The following GFRA1 variants were observed in gnomAD, a reference collection of about 807,000 sequenced individuals.
GFRA1 encodes the protein GDNF family receptor alpha-1.
GFRA1 carries 16 observed loss-of-function variants against 51.6 expected under a neutral mutation model. The observed-to-expected ratio is 0.31, with a 90% CI of 0.21 to 0.47. GFRA1 has a LOEUF of 0.47. Ranked by LOEUF, GFRA1 falls within the 20% of genes least tolerant of loss-of-function variation. The pLI, the probability that GFRA1 is intolerant of heterozygous loss-of-function variation, is 1.00. For missense variants in GFRA1, 530 were observed against 594.3 expected (o/e 0.89, Z 1.13); for synonymous variants, 270 against 241.3 (o/e 1.12, Z -1.10).
chr10:116,095,488 A>G (rs182080297), intron 7 of GFRA1, among the ~76,000 whole-genome samples: 11 of 152,282 alleles, frequency 7.2e-5, no homozygotes, highest in African/African-American at 2.6e-4. Context: ...CGGGAAAAGG[A>G]GAGAGTGAAT....
At chr10:116,132,796 A>C (rs1958157960) in intron 5 of GFRA1, among the ~76,000 whole-genome samples, 1 of 152,212 alleles carries the variant, frequency 6.6e-6, no homozygotes, top group African/African-American at 2.4e-5. Flanking sequence ...TTGAGGGCAC[A>C]GGGAGGAGAG....
At position 116,234,909 on chromosome 10, in the gene GFRA1, T is replaced by C. The variant is rs377477133; in HGVS notation, c.419-23264A>G. Among the ~76,000 whole-genome samples the C allele has an allele frequency of 9.2e-5, 14 of 152,310 alleles. No individual in the cohort carries two copies. In the East Asian group the frequency reaches 2.5e-3, roughly 27 times the overall value. On this transcript the variant is annotated intron_variant, in intron 4 of 10. Transcript: ENST00000355422. ...TCTCATGATAGTGAGTGAGTTCTCATAAGATCTGATGGTTTTATAAGAGGC... is the reference window on the plus strand; with the variant it reads ...TCTCATGATAGTGAGTGAGTTCTCACAAGATCTGATGGTTTTATAAGAGGC...
chr10:116,183,317 G>A (rs1962408234), intron 5 of GFRA1, among the ~76,000 whole-genome samples: 1 of 152,162 alleles, frequency 6.6e-6, no homozygotes, highest in Admixed American at 6.5e-5. Context: ...ACCGCAATGG[G>A]TCCAACCCAA....
At chr10:116,109,373 G>A (rs1957113437) in intron 6 of GFRA1, among the ~76,000 whole-genome samples, 1 of 152,190 alleles carries the variant, frequency 6.6e-6, no homozygotes, top group South Asian at 2.1e-4. Flanking sequence ...GTGGATATGT[G>A]ATCTTTACTA....
chr10:116,270,844 C>T lies in GFRA1; in HGVS notation c.312G>A (p.Trp104Ter). The T allele has an allele frequency of 6.2e-7, 1 of 1,613,654 alleles. No individual in the cohort carries two copies. The highest frequency in any genetic ancestry group is 8.5e-7 in the Non-Finnish European group (1 of 1,179,954). The change falls in exon 3 of 11, where the codon TGG (tryptophan) becomes TGA (stop). Residue 104 changes from tryptophan (W) to a stop codon, truncating the protein, a stop_gained. Coordinates refer to ENST00000355422, the MANE Select transcript of GFRA1 (RefSeq NM_005264.8). LOFTEE classifies it high-confidence loss of function. ...KKEKNCLRIY[W>*]SMYQSLQGND... ...TACCCTGCAGGCTCTGGTACATGCT[C>T]CAGTAAATGCGCAGGCAGTTCTTCT... is the stretch of plus-strand genomic sequence containing the variant.
intron 4 of GFRA1, among the ~76,000 whole-genome samples, chr10:116,215,442 TA>T (rs1382527040): frequency 1.3e-5 from 2 of 152,218 alleles, no homozygotes; most frequent in Non-Finnish European, 2.9e-5. Flanking sequence ...AATTTGAGTG[TA>T]ATATTCTCCT....
At chr10:116,108,434 A>G (rs912782141) in intron 6 of GFRA1, among the ~76,000 whole-genome samples, 11 of 152,170 alleles carry the variant, frequency 7.2e-5, no homozygotes, top group Non-Finnish European at 5.9e-5. Flanking sequence ...CGTAACTCCT[A>G]TTAGCAACCC....
intron 5 of GFRA1, among the ~76,000 whole-genome samples, chr10:116,133,271 T>G (rs576640091): frequency 6.6e-6 from 1 of 152,170 alleles, no homozygotes; most frequent in African/African-American, 2.4e-5. Flanking sequence ...CACACAGCCA[T>G]GTTGTCACTT....
intron 4 of GFRA1, among the ~76,000 whole-genome samples, chr10:116,222,365 A>C (rs1965984187): frequency 6.6e-6 from 1 of 151,922 alleles, no homozygotes; most frequent in African/African-American, 2.4e-5. Context: ...CACCTGGCTA[A>C]TTTTTGTATT....
At chr10:116,155,665 C>T (rs1959185815) in intron 5 of GFRA1, among the ~76,000 whole-genome samples, 3 of 152,158 alleles carry the variant, frequency 2.0e-5, no homozygotes, top group Admixed American at 2.0e-4. Flanking sequence ...AGCTTGGAAA[C>T]CAATGCTGAG....
chr10:116,267,414 C>T (rs987715910), intron 4 of GFRA1, among the ~76,000 whole-genome samples: 3 of 151,682 alleles, frequency 2.0e-5, no homozygotes, highest in East Asian at 1.9e-4. Context: ...AGCATTGCGC[C>T]GAGATCATGC....
intron 5 of GFRA1, among the ~76,000 whole-genome samples, chr10:116,198,582 C>T (rs1407758029): frequency 6.6e-6 from 1 of 152,162 alleles, no homozygotes; most frequent in East Asian, 1.9e-4. Flanking sequence ...GAGACACAGC[C>T]CTTTCCTGCA....
intron 4 of GFRA1, 106 bp from the exon 5 acceptor site, chr10:116,211,751 CTT>C: frequency 4.4e-6 from 4 of 901,770 alleles, no homozygotes; most frequent in Non-Finnish European, 7.0e-6. Context: ...CATATGCTGA[CTT>C]TGCTAAGCAC....
chr10:116,240,292 G>C (rs917699303), intron 4 of GFRA1, among the ~76,000 whole-genome samples: 5 of 152,082 alleles, frequency 3.3e-5, no homozygotes, highest in African/African-American at 4.8e-5. Flanking sequence ...TGGAAGAGAA[G>C]ACCTCTCAAC....
At chr10:116,203,622 G>C (rs1330911969) in intron 5 of GFRA1, among the ~76,000 whole-genome samples, 2 of 152,186 alleles carry the variant, frequency 1.3e-5, no homozygotes, top group Non-Finnish European at 2.9e-5. Flanking sequence ...AACCATTCAT[G>C]AACACGACCA....
At chr10:116,213,808 C>T (rs1589878523) in intron 4 of GFRA1, among the ~76,000 whole-genome samples, 1 of 152,122 alleles carries the variant, frequency 6.6e-6, no homozygotes, top group East Asian at 1.9e-4. Flanking sequence ...TTCATACTCC[C>T]AAGGGCACAC....
At chr10:116,216,317 G>A (rs942881670) in intron 4 of GFRA1, among the ~76,000 whole-genome samples, 5 of 152,132 alleles carry the variant, frequency 3.3e-5, no homozygotes, top group African/African-American at 9.7e-5. Flanking sequence ...GTAATTAGCA[G>A]TGCACAGAGC....
At chr10:116,164,650 G>A (rs1325164666) in intron 5 of GFRA1, among the ~76,000 whole-genome samples, 4 of 152,114 alleles carry the variant, frequency 2.6e-5, no homozygotes, top group South Asian at 2.1e-4. Context: ...ATATACTTGC[G>A]TTATGTTAAA....
chr10:116,202,435 G>A (rs1964410583), intron 5 of GFRA1, among the ~76,000 whole-genome samples: 1 of 152,214 alleles, frequency 6.6e-6, no homozygotes, highest in East Asian at 1.9e-4. Context: ...GTAGAAGACT[G>A]TGTGGAAATG....
Sources: allele counts gnomAD v4.1 joint callset (sites outside exome capture counted in the v4.1 genomes callset), GRCh38; gene constraint gnomAD v4.1.1; transcripts MANE v1.5; gene names NCBI Gene and HGNC (gene_info 2026-07-23, HGNC 2026-07-21).